The following AKAP13 variants were observed in gnomAD, a reference collection of about 807,000 sequenced individuals.
The protein encoded by AKAP13 is A-kinase anchor protein 13.
A neutral mutation model predicts 264.5 loss-of-function variants in AKAP13; 80 were observed. The ratio of observed to expected loss-of-function variants is 0.30; its 90% CI spans 0.25 to 0.36. AKAP13 has a LOEUF of 0.36. Among genes scored for constraint, AKAP13 ranks in the 10% least tolerant of loss-of-function variants. The pLI, the probability that AKAP13 is intolerant of heterozygous loss-of-function variation, is 1.00. For synonymous variants in AKAP13, 1,380 were observed against 1,250.2 expected, an observed-to-expected ratio of 1.10 and a Z score of -2.19; for missense variants, 3,712 against 3,435.2, an observed-to-expected ratio of 1.08 and a Z score of -2.01.
At chr15:85,501,223 A>G (rs1045800690) in intron 2 of AKAP13, among the ~76,000 whole-genome samples, 1 of 152,164 alleles carries the variant, frequency 6.6e-6, no homozygotes, top group African/African-American at 2.4e-5. Flanking sequence ...AGGCAGCATA[A>G]TATTAAGAAG....
At chr15:85,729,659 A>T (rs545028682) in intron 29 of AKAP13, among the ~76,000 whole-genome samples, 2 of 152,004 alleles carry the variant, frequency 1.3e-5, no homozygotes, top group Admixed American at 1.3e-4. Flanking sequence ...AGCTCAGGCC[A>T]GGTGCGGTGG....
In AKAP13 at chr15:85,744,134, A is replaced by G. The variant is rs2089269387; in HGVS notation, c.8392+309A>G. ...GTCCTCCTTGCCTTTCTGGGCCTAG[A>G]GTAGTCATTGGTAACAGCTAGCATT... On this transcript the variant is annotated intron_variant, in intron 36 of 36. Coordinates refer to ENST00000394518, the MANE Select transcript of AKAP13 (RefSeq NM_007200.5). 7.9e-6 allele frequency: 3 copies of G among 378,036 alleles called. No individual in the cohort carries two copies. The South Asian group carries it at 1.1e-4, about 13-fold the overall frequency. The allele number at this position is 378,036 out of a possible 1,614,324, so 23.4% of individuals were successfully genotyped here. A position where few individuals can be genotyped will look rare whatever the true frequency, so the allele number is the denominator to read the frequency against.
chr15:85,694,118 T>G (rs16943283), intron 17 of AKAP13, among the ~76,000 whole-genome samples: 11,395 of 152,226 alleles, frequency 0.075, 697 homozygotes, highest in East Asian at 0.17. Flanking sequence ...TACTCAGTGG[T>G]CTTCTGTTAG....
rs1858144556 is a variant in AKAP13, at chr15:85,747,749, C to G, written c.*3072C>G. ...GCCACTTTCAACCTTTGCCAGTATT[C>G]CCTCTACCCCCGTGAGAGCTATCTG... On this transcript the variant is annotated 3_prime_UTR_variant, in exon 37 of 37. Transcript: ENST00000394518. The G allele has an allele frequency of 1.3e-5, 2 of 152,628 alleles. No individual in the cohort carries two copies. The highest frequency in any genetic ancestry group is 2.9e-5 in the Non-Finnish European group (2 of 68,028). The allele number at this position is 152,628 out of a possible 1,614,324, so 9.5% of individuals were successfully genotyped here.
chr15:85,627,423 C>T (rs2081468390), intron 8 of AKAP13: 1 of 152,192 alleles, frequency 6.6e-6, no homozygotes, highest in African/African-American at 2.4e-5. Context: ...GTATACACTA[C>T]CTCTAGACTA....
chr15:85,568,888 G>A (rs975058866), intron 5 of AKAP13, among the ~76,000 whole-genome samples: 1 of 152,168 alleles, frequency 6.6e-6, no homozygotes, highest in Admixed American at 6.5e-5. Context: ...AGATTGGGGG[G>A]TAGTGAAGGC....
At chr15:85,735,538 A>C (rs2088400020) in intron 31 of AKAP13, 22 bp from the exon 32 acceptor site, 9 of 1,529,766 alleles carry the variant, frequency 5.9e-6, no homozygotes, top group South Asian at 1.2e-5. Flanking sequence ...TAAAAAAAAA[A>C]ACAACCCTAT....
intron 29 of AKAP13, among the ~76,000 whole-genome samples, chr15:85,728,264 T>TA (rs887210810): frequency 3.3e-5 from 5 of 152,210 alleles, no homozygotes; most frequent in African/African-American, 1.2e-4. Context: ...AAATAAGGCT[T>TA]AGAGTTAAAT....
chr15:85,468,525 G>A (rs1295118864), intron 1 of AKAP13, among the ~76,000 whole-genome samples: 7 of 152,174 alleles, frequency 4.6e-5, no homozygotes, highest in African/African-American at 9.7e-5. Flanking sequence ...TAGCTTTGAT[G>A]CTTTAAAGAA....
chr15:85,742,286 C>T (rs2151788644), intron 35 of AKAP13, among the ~76,000 whole-genome samples: 1 of 152,318 alleles, frequency 6.6e-6, no homozygotes, highest in South Asian at 2.1e-4. Flanking sequence ...TGCTCTGTGC[C>T]ACATCAGAAA....
At chr15:85,652,248 G>A (rs1039437248) in intron 10 of AKAP13, among the ~76,000 whole-genome samples, 1 of 151,910 alleles carries the variant, frequency 6.6e-6, no homozygotes, top group East Asian at 1.9e-4. Context: ...TCTCAAAAGG[G>A]TAGATGGTTG....
rs542705863 is a variant in AKAP13, at chr15:85,489,091, C to T, written c.33+3338C>T. ...AGCTAATATATGCTTCAACCTCTCCCTTTTAGACATGAGGAAACGAGGTCT... is the reference window on the plus strand; with the variant it reads ...AGCTAATATATGCTTCAACCTCTCCTTTTTAGACATGAGGAAACGAGGTCT... On this transcript the variant is annotated intron_variant, in intron 2 of 36. Coordinates refer to ENST00000394518, the MANE Select transcript of AKAP13 (RefSeq NM_007200.5). 2.3e-3 allele frequency among the ~76,000 whole-genome samples: 348 copies of T among 152,296 alleles called. 2 individuals are homozygous for T. The highest frequency in any genetic ancestry group is 7.7e-3 in the South Asian group (37 of 4,826).
Position 85,415,496 on chromosome 15 carries a change from A to T in AKAP13, c.-12+34698A>T, listed in dbSNP as rs1313084494. The T allele has an allele frequency of 3.9e-6, 6 of 1,551,670 alleles. No individual in the cohort carries two copies. The South Asian group carries it at 6.7e-5, about 17-fold the overall frequency. Reference sequence around the variant, plus strand: ...AAACTCAGACTGTGTGCAACTTTACAGATGGTGCATTGGTTCAACATCAGG... The same window carrying T: ...AAACTCAGACTGTGTGCAACTTTACTGATGGTGCATTGGTTCAACATCAGG... On this transcript the variant is annotated intron_variant, in intron 1 of 36. Transcript: ENST00000394518.
rs2087020892 is a variant in AKAP13, at chr15:85,717,541, T to A, written c.5848+139T>A. On this transcript the variant is annotated intron_variant, in intron 21 of 36. Coordinates refer to ENST00000394518, the MANE Select transcript of AKAP13 (RefSeq NM_007200.5). The stretch of plus-strand genomic sequence containing the variant: ...AAGATTCTCTAAATTGTCAGTAAAG[T>A]GTCCAGTGCTTTGTCATGACTGCGT... 9.0e-6 allele frequency: 6 copies of A among 667,232 alleles called. No individual in the cohort carries two copies. The South Asian group carries it at 1.1e-4, about 12-fold the overall frequency. The allele number at this position is 667,232 out of a possible 1,614,324, so 41.3% of individuals were successfully genotyped here.
chr15:85,662,780 A>G (rs1245515495), intron 12 of AKAP13, among the ~76,000 whole-genome samples: 1 of 152,238 alleles, frequency 6.6e-6, no homozygotes, highest in African/African-American at 2.4e-5. Flanking sequence ...TCAAAGAACC[A>G]AGGCAGCTAA....
At chr15:85,651,226 A>G (rs1016661478) in intron 10 of AKAP13, among the ~76,000 whole-genome samples, 3 of 152,344 alleles carry the variant, frequency 2.0e-5, no homozygotes, top group Non-Finnish European at 2.9e-5. Flanking sequence ...TTAAGAATAT[A>G]TTGAGGCATA....
chr15:85,415,140 A>C, intron 1 of AKAP13: 1 of 773,318 alleles, frequency 1.3e-6, no homozygotes, highest in Non-Finnish European at 2.2e-6. Context: ...TTCAGAGGGA[A>C]ATACCTTTAA....
intron 1 of AKAP13, among the ~76,000 whole-genome samples, chr15:85,437,340 C>T (rs1388348337): frequency 6.6e-6 from 1 of 152,190 alleles, no homozygotes; most frequent in Non-Finnish European, 1.5e-5. Context: ...AGTTTACCAA[C>T]CAAAAAGAGT....
chr15:85,741,257 C>T lies in AKAP13; in HGVS notation c.7820C>T (p.Ala2607Val), dbSNP rs1355711182. 1 of 1,609,780 alleles carries T rather than the reference C, an allele frequency of 6.2e-7. No homozygotes were observed. The highest frequency in any genetic ancestry group is 8.5e-7 in the Non-Finnish European group (1 of 1,178,176). Residue 2607 changes from alanine to valine, a missense_variant, in exon 35 of 37, where the codon GCT (alanine) becomes GTT (valine). By Grantham distance (64) the Ala-to-Val change is moderately conservative. Transcript: ENST00000394518. ...CGCAGGCGCGAGCGTGAGTGGGAAG[C>T]TCGTGAGAGGGAGCTGCGGGAGCGG... is the stretch of plus-strand genomic sequence containing the variant. The part of the protein sequence containing the change: ...EKRRREREWE[A>V]RERELREREA...
Sources: gnomAD v4.1 joint callset for allele counts (sites outside exome capture counted in the v4.1 genomes callset) on GRCh38, gnomAD v4.1.1 for gene constraint, MANE v1.5 for transcripts, NCBI Gene and HGNC (gene_info 2026-07-23, HGNC 2026-07-21) for gene names.